TPTE2: variants seen among roughly 807,000 people sequenced by gnomAD.
TPTE2 encodes phosphatidylinositol 3,4,5-trisphosphate 3-phosphatase TPTE2.
TPTE2 carries 53 observed loss-of-function variants against 78.6 expected under a neutral mutation model. The observed-to-expected ratio is 0.67, with a 90% CI of 0.54 to 0.85. TPTE2 has a LOEUF of 0.85. Ranked by LOEUF, TPTE2 falls within the 40% of genes least tolerant of loss-of-function variation. TPTE2 has a pLI of 0.00. For missense variants in TPTE2, 461 were observed against 623.0 expected (o/e 0.74, Z 2.77); for synonymous variants, 175 against 206.2 (o/e 0.85, Z 1.30).
At chr13:19,481,306 G>A (rs367597962) in intron 4 of TPTE2, among the ~76,000 whole-genome samples, 8 of 151,922 alleles carry the variant, frequency 5.3e-5, no homozygotes, top group East Asian at 3.9e-4. Context: ...TGTTATTTTC[G>A]TTTTATTACT....
chr13:19,423,213 AG>A (rs1566031781), intron 19 of TPTE2, 49 bp from the exon 23 acceptor site: 1 of 1,483,776 alleles, frequency 6.7e-7, no homozygotes. Flanking sequence ...CTCACCAAAA[AG>A]CCACGCAGTT....
upstream of TPTE2, among the ~76,000 whole-genome samples, chr13:19,538,826 C>T (rs1871354415): frequency 6.6e-6 from 1 of 152,148 alleles, no homozygotes; most frequent in South Asian, 2.1e-4. Context: ...CTGCTTCAAA[C>T]ATTTTAAATC....
intron 1 of TPTE2, among the ~76,000 whole-genome samples, chr13:19,533,292 T>C (rs1185206992): frequency 6.6e-6 from 1 of 152,132 alleles, no homozygotes; most frequent in Non-Finnish European, 1.5e-5. Flanking sequence ...TACAGAGAAA[T>C]TAGAGAACCA....
chr13:19,508,944 A>G (rs1043646151), intron 1 of TPTE2, among the ~76,000 whole-genome samples: 1 of 152,184 alleles, frequency 6.6e-6, no homozygotes, highest in African/African-American at 2.4e-5. Flanking sequence ...TAAAGTCCAC[A>G]GGATCAATAT....
chr13:19,503,764 G>A (rs1868787512), upstream of TPTE2, among the ~76,000 whole-genome samples: 1 of 152,168 alleles, frequency 6.6e-6, no homozygotes. Context: ...TTGTGGCAGA[G>A]TTCTGCAGGG....
In TPTE2 at chr13:19,486,533, C is replaced by T. The variant is rs1195695159; in HGVS notation, c.120-3986G>A. 6.6e-6 allele frequency among the ~76,000 whole-genome samples: 1 copy of T among 152,196 alleles called. No homozygotes were observed. The highest frequency in any genetic ancestry group is 2.4e-5 in the African/African-American group (1 of 41,450). ...CCAGATGTGCTTTGCAGGACAGTTT[C>T]TCAGGCCCAGGACGCAGGCACACAG... is the stretch of plus-strand genomic sequence containing the variant. On this transcript the variant is annotated intron_variant, in intron 3 of 19. Transcript: ENST00000400230. The surrounding 1 kb of genome is among the most constrained non-coding windows in gnomAD (Gnocchi z 4.3).
chr13:19,425,001 T>C lies in TPTE2; in HGVS notation c.1412A>G (p.Tyr471Cys), dbSNP rs755930755. The C allele has an allele frequency of 2.5e-5, 39 of 1,542,588 alleles. No individual in the cohort carries two copies. Among genetic ancestry groups the C allele is most frequent in the Middle Eastern group, 3.4e-4 (2 of 5,874 alleles). The change falls in exon 19 of 20, where the codon TAT becomes TGT. Residue 471 changes from tyrosine to cysteine, a missense_variant. Physicochemically the swap from Tyr to Cys is radical, Grantham distance 194 (BLOSUM62 -2). Transcript: ENST00000400230. ...CCAGAAGAAAAATGGACAATTGTCA[T>C]AGTATTTAGGAAGATTCTAAAAAGA...
chr13:19,532,621 A>G (rs768522218), intron 1 of TPTE2, among the ~76,000 whole-genome samples: 5 of 152,232 alleles, frequency 3.3e-5, no homozygotes, highest in Non-Finnish European at 7.3e-5. Context: ...AAAACAGACT[A>G]ACACAATGCC....
intron 1 of TPTE2, among the ~76,000 whole-genome samples, chr13:19,534,414 G>C (rs936582382): frequency 6.6e-6 from 1 of 152,178 alleles, no homozygotes; most frequent in African/African-American, 2.4e-5. Flanking sequence ...CCATGCCTAA[G>C]GGTTTTCTAA....
At chr13:19,457,013 A>G (rs1275318169) in intron 10 of TPTE2, among the ~76,000 whole-genome samples, 1 of 152,182 alleles carries the variant, frequency 6.6e-6, no homozygotes, top group Non-Finnish European at 1.5e-5. Context: ...CCAGAAACAG[A>G]CCTATACGTA....
intron 6 of TPTE2, among the ~76,000 whole-genome samples, chr13:19,467,809 C>T (rs1879357872): frequency 6.7e-6 from 1 of 148,206 alleles, no homozygotes; most frequent in African/African-American, 2.5e-5. Context: ...ATTAGCCATC[C>T]CCACCTCCCC....
At chr13:19,499,799 C>T (rs1593401999) in intron 1 of TPTE2, among the ~76,000 whole-genome samples, 1 of 149,794 alleles carries the variant, frequency 6.7e-6, no homozygotes, top group Admixed American at 6.7e-5. Flanking sequence ...TAACTAAAAT[C>T]AGAGCAGAGC....
At position 19,458,662 on chromosome 13, in the gene TPTE2, G is replaced by A. The variant is rs1190069773; in HGVS notation, c.741+5794C>T. The A allele has an allele frequency of 1.4e-5, 7 of 497,260 alleles. No homozygotes were observed. The East Asian group carries it at 3.9e-4, about 27-fold the overall frequency. The allele number at this position is 497,260 out of a possible 1,614,324, so 30.8% of individuals were successfully genotyped here. On this transcript the variant is annotated intron_variant, in intron 10 of 19. Coordinates refer to ENST00000400230, the Ensembl canonical transcript of TPTE2. ...TTTGCTTGCCTCCCTTTTCCACGGTGTGGCACTGGGCACACTTCTGAACAA... is the reference window on the plus strand; with the variant it reads ...TTTGCTTGCCTCCCTTTTCCACGGTATGGCACTGGGCACACTTCTGAACAA...
intron 1 of TPTE2, among the ~76,000 whole-genome samples, chr13:19,534,752 A>G (rs1353835809): frequency 2.0e-5 from 3 of 152,184 alleles, no homozygotes; most frequent in Non-Finnish European, 4.4e-5. Flanking sequence ...AATCTTCCCA[A>G]TTTGTAGCCA....
the TPTE2 span, among the ~76,000 whole-genome samples, chr13:19,546,483 C>CTTTTTTTTTTTTTTTTTTTTTTTTTTTTT: frequency 1.2e-5 from 1 of 85,022 alleles, no homozygotes. Context: ...TTTTCTTTTT[C>CTTTTTTTTTTTTTTTTTTTTTTTTTTTTT]TTTTTTTTTT....
At chr13:19,427,208 C>T (rs1876191241) in intron 17 of TPTE2, among the ~76,000 whole-genome samples, 2 of 151,144 alleles carry the variant, frequency 1.3e-5, no homozygotes, top group Admixed American at 1.3e-4. Flanking sequence ...CCTCAGCCTC[C>T]CAAGTAGCTG....
chr13:19,497,209 A>T (rs1881388476), intron 1 of TPTE2, among the ~76,000 whole-genome samples: 1 of 149,860 alleles, frequency 6.7e-6, no homozygotes, highest in Non-Finnish European at 1.5e-5. Flanking sequence ...GCAAGGCGGC[A>T]GCGAGGCTGG....
At chr13:19,476,070 T>A (rs1879918378) in intron 4 of TPTE2, among the ~76,000 whole-genome samples, 1 of 152,180 alleles carries the variant, frequency 6.6e-6, no homozygotes, top group Non-Finnish European at 1.5e-5. Context: ...GAGTAAATGA[T>A]GCTCTTGTCA....
upstream of TPTE2, chr13:19,503,299 C>A (rs1275290565): frequency 1.2e-6 from 2 of 1,612,338 alleles, no homozygotes; most frequent in Non-Finnish European, 1.7e-6. Context: ...CAAAAGAATA[C>A]AGTCAGACAG....
Sources: gnomAD v4.1 joint callset for allele counts (sites outside exome capture counted in the v4.1 genomes callset) on GRCh38, gnomAD v4.1.1 for gene constraint, Gnocchi (gnomAD v3.1) non-coding constraint, MANE v1.5 for transcripts, NCBI Gene and HGNC (gene_info 2026-07-23, HGNC 2026-07-21) for gene names.